The following SLC24A2 variants were observed in gnomAD, a reference collection of about 807,000 sequenced individuals.
SLC24A2 encodes the protein sodium/potassium/calcium exchanger 2.
A neutral mutation model predicts 62.0 loss-of-function variants in SLC24A2; 36 were observed. The ratio of observed to expected loss-of-function variants is 0.58; its 90% confidence interval spans 0.44 to 0.77. The LOEUF (loss-of-function observed/expected upper bound fraction) is 0.77, where lower values mean the gene tolerates loss of function less well. Ranked by LOEUF, SLC24A2 falls within the 30% of genes least tolerant of loss-of-function variation. The pLI is 0.00. For synonymous variants in SLC24A2, 358 were observed against 294.0 expected, an observed-to-expected ratio of 1.22 and a Z score of -2.23; for missense variants, 846 against 817.9, an observed-to-expected ratio of 1.03 and a Z score of -0.42.
At chr9:20,113,147 C>T in the SLC24A2 span, among the ~76,000 whole-genome samples, 1 of 152,104 alleles carries the variant, frequency 6.6e-6, no homozygotes, top group Admixed American at 6.6e-5. Flanking sequence ...TTGGCCAAGT[C>T]ATCTGGGGCT....
chr9:19,778,712 T>C (rs1442925549), intron 2 of SLC24A2, among the ~76,000 whole-genome samples: 1 of 152,180 alleles, frequency 6.6e-6, no homozygotes, highest in Non-Finnish European at 1.5e-5. Flanking sequence ...CAATCCTCTC[T>C]GGAGGAATGT....
chr9:19,624,385 T>TA (rs1817981998), intron 2 of SLC24A2, among the ~76,000 whole-genome samples: 1 of 152,068 alleles, frequency 6.6e-6, no homozygotes, highest in Non-Finnish European at 1.5e-5. Context: ...CGTCACCAGC[T>TA]GAGAGTTTGA....
chr9:20,234,943 C>G, the SLC24A2 span, among the ~76,000 whole-genome samples: 1 of 152,208 alleles, frequency 6.6e-6, no homozygotes, highest in South Asian at 2.1e-4. Flanking sequence ...TTCCTTCTAA[C>G]AGACAGGACC....
intron 2 of SLC24A2, among the ~76,000 whole-genome samples, chr9:19,759,836 T>A (rs1211067812): frequency 6.6e-6 from 1 of 152,162 alleles, no homozygotes; most frequent in African/African-American, 2.4e-5. Context: ...CCTGAGAAAG[T>A]GAGTGAACCA....
chr9:19,962,087 G>A, the SLC24A2 span, among the ~76,000 whole-genome samples: 184 of 152,322 alleles, frequency 1.2e-3, no homozygotes, highest in Non-Finnish European at 2.2e-3. Context: ...TCTGTGTTAG[G>A]TCAGTCAGTT....
At chr9:20,270,058 G>A in the SLC24A2 span, among the ~76,000 whole-genome samples, 5 of 152,140 alleles carry the variant, frequency 3.3e-5, no homozygotes, top group Non-Finnish European at 7.3e-5. Context: ...GACTGGAGGG[G>A]CATCTTGGCT....
chr9:20,008,414 T>C, the SLC24A2 span, among the ~76,000 whole-genome samples: 3 of 152,112 alleles, frequency 2.0e-5, no homozygotes, highest in African/African-American at 7.2e-5. Context: ...TCTCTATTGG[T>C]TTTAGAGGAT....
chr9:19,613,390 A>G (rs1817678544), intron 4 of SLC24A2, among the ~76,000 whole-genome samples: 1 of 152,208 alleles, frequency 6.6e-6, no homozygotes, highest in Admixed American at 6.5e-5. Context: ...AAGACCACGC[A>G]TTTTACAATT....
the SLC24A2 span, among the ~76,000 whole-genome samples, chr9:20,180,655 A>G: frequency 4.6e-5 from 7 of 152,202 alleles, no homozygotes; most frequent in Non-Finnish European, 1.0e-4. Context: ...ATTAATAATT[A>G]GAGCCTAAAG....
At chr9:19,530,459 C>A (rs570803183) in intron 8 of SLC24A2, among the ~76,000 whole-genome samples, 47 of 152,300 alleles carry the variant, frequency 3.1e-4, no homozygotes, top group African/African-American at 1.1e-3. Flanking sequence ...CAGGTTAGCT[C>A]ATTTACTAAA....
chr9:20,092,604 T>A, the SLC24A2 span, among the ~76,000 whole-genome samples: 3 of 152,218 alleles, frequency 2.0e-5, no homozygotes, highest in African/African-American at 7.2e-5. Flanking sequence ...ATTAAAAATA[T>A]TGACAAAAAT....
chr9:19,603,234 G>T (rs1836887932), intron 4 of SLC24A2, among the ~76,000 whole-genome samples: 1 of 151,934 alleles, frequency 6.6e-6, no homozygotes, highest in African/African-American at 2.4e-5. Context: ...ATCATCTTGG[G>T]TACATTTTTG....
At chr9:20,303,181 A>C in the SLC24A2 span, among the ~76,000 whole-genome samples, 8 of 152,228 alleles carry the variant, frequency 5.3e-5, no homozygotes, top group East Asian at 1.5e-3. Flanking sequence ...TTTTTCATGC[A>C]TCACGGGAGT....
chr9:20,231,462 T>C, the SLC24A2 span, among the ~76,000 whole-genome samples: 15 of 152,184 alleles, frequency 9.9e-5, no homozygotes, highest in African/African-American at 3.6e-4. Context: ...CCCTTTTAAG[T>C]TGGATTCCTA....
At chr9:20,216,162 G>A in the SLC24A2 span, among the ~76,000 whole-genome samples, 1 of 152,084 alleles carries the variant, frequency 6.6e-6, no homozygotes, top group African/African-American at 2.4e-5. Context: ...ACGGTGCCTT[G>A]GGCTGTCAGT....
chr9:19,867,769 G>A, the SLC24A2 span, among the ~76,000 whole-genome samples: 1 of 152,098 alleles, frequency 6.6e-6, no homozygotes, highest in East Asian at 1.9e-4. Context: ...TTAGCTGGGC[G>A]TGGTGTTGCA....
At chr9:20,025,911 A>G in the SLC24A2 span, among the ~76,000 whole-genome samples, 9 of 152,312 alleles carry the variant, frequency 5.9e-5, no homozygotes, top group Admixed American at 2.0e-4. Flanking sequence ...AGAATTATTC[A>G]GGACAATTTC....
At chr9:20,059,211 A>G in the SLC24A2 span, among the ~76,000 whole-genome samples, 3 of 152,208 alleles carry the variant, frequency 2.0e-5, no homozygotes, top group Non-Finnish European at 2.9e-5. Flanking sequence ...TGTATTCACA[A>G]GGGTCCTCAT....
At chr9:19,999,666 G>A in the SLC24A2 span, among the ~76,000 whole-genome samples, 9 of 152,268 alleles carry the variant, frequency 5.9e-5, no homozygotes, top group Non-Finnish European at 1.2e-4. Flanking sequence ...TACTCATCAC[G>A]GAAAGGATCC....
Sources: gnomAD v4.1 joint callset for allele counts (sites outside exome capture counted in the v4.1 genomes callset) on GRCh38, gnomAD v4.1.1 for gene constraint, MANE v1.5 for transcripts, NCBI Gene and HGNC (gene_info 2026-07-23, HGNC 2026-07-21) for gene names.